Variants in SF3B3 observed in about 807,000 individuals in gnomAD.
SF3B3 encodes SAP 130.
Under a neutral mutation model 139.2 loss-of-function variants are expected in SF3B3, and 33 were observed. That is an observed-to-expected ratio of 0.24 (90% confidence interval 0.18 to 0.32). SF3B3 has a LOEUF of 0.32. SF3B3 is among the 10% of genes least tolerant of loss of function. The pLI is 1.00. For synonymous variants in SF3B3, 596 were observed against 563.6 expected (o/e 1.06, Z -0.81); for missense variants, 818 against 1,509.4 (o/e 0.54, Z 7.59).
At chr16:70,540,517 C>T (rs1411646176) in intron 8 of SF3B3, among the ~76,000 whole-genome samples, 1 of 152,036 alleles carries the variant, frequency 6.6e-6, no homozygotes, top group African/African-American at 2.4e-5. Context: ...TCTCAGCCTC[C>T]CAAGTAGCTG....
intron 4 of SF3B3, 109 bp from the exon 5 acceptor site, chr16:70,532,370 A>C: frequency 1.1e-6 from 1 of 895,332 alleles, no homozygotes; most frequent in Non-Finnish European, 1.7e-6. Context: ...AAAAAAAAGA[A>C]GACATTTGTG....
rs1243222860 is a variant in SF3B3 at position 70,548,448 on chromosome 16, C to A, written c.1402+6C>A. ...AGTGCGTCGACACATTGAAGGTAAG[C>A]AGCTTTTTCCCAATAGTCAAAATGA... On this transcript the variant is annotated splice_donor_region_variant and intron_variant, in intron 11 of 25. Coordinates refer to ENST00000302516, the MANE Select transcript of SF3B3 (RefSeq NM_012426.5). 1 of 1,613,188 alleles carries A rather than the reference C, an allele frequency of 6.2e-7. No homozygotes were observed. The highest frequency in any genetic ancestry group is 2.2e-5 in the East Asian group (1 of 44,878).
rs762567158 is a variant in SF3B3 at position 70,568,263 on chromosome 16, A to G, written c.2953-20A>G. ...CCCCAAGATTACACCCACCATCACTATTGTCTTTGTTTTTCCCAGCATATT... is the reference window on the plus strand; with the variant it reads ...CCCCAAGATTACACCCACCATCACTGTTGTCTTTGTTTTTCCCAGCATATT... On this transcript the variant is annotated intron_variant, in intron 21 of 25. Coordinates refer to ENST00000302516, the MANE Select transcript of SF3B3 (RefSeq NM_012426.5). 3 of 1,574,214 alleles carry G rather than the reference A, an allele frequency of 1.9e-6. No homozygotes were observed. Among genetic ancestry groups the G allele is most frequent in the Admixed American group, 3.3e-5 (2 of 59,926 alleles).
In SF3B3 at chr16:70,536,509, C is replaced by T. The variant is rs189492917; in HGVS notation, c.825+1089C>T. Among the ~76,000 whole-genome samples the T allele has an allele frequency of 2.3e-3, 345 of 151,986 alleles. 1 individual carries two copies. Among genetic ancestry groups the T allele is most frequent in the African/African-American group, 7.7e-3 (320 of 41,456 alleles). ...CCTCTCGGGTAGCTGGGACTACAGG[C>T]GCCCACCACCACGCCCGGCTAATTT... On this transcript the variant is annotated intron_variant, in intron 6 of 25. Coordinates refer to ENST00000302516, the MANE Select transcript of SF3B3 (RefSeq NM_012426.5).
chr16:70,539,009 A>G, intron 7 of SF3B3, 95 bp from the exon 8 acceptor site: 1 of 908,360 alleles, frequency 1.1e-6, no homozygotes, highest in Non-Finnish European at 1.8e-6. Context: ...CAGATATGAA[A>G]TACAGTATTT....
intron 11 of SF3B3, among the ~76,000 whole-genome samples, chr16:70,552,796 A>G (rs1381308104): frequency 6.6e-6 from 1 of 152,264 alleles, no homozygotes; most frequent in Non-Finnish European, 1.5e-5. Flanking sequence ...CTATATATGA[A>G]GCAACTTCAT....
intron 6 of SF3B3, chr16:70,538,058 T>G: frequency 1.6e-6 from 1 of 641,814 alleles, no homozygotes; most frequent in Non-Finnish European, 2.9e-6. Context: ...CTGACATTTT[T>G]CTCTGGACAC....
At chr16:70,524,228 C>T (rs2050024367) in intron 1 of SF3B3, among the ~76,000 whole-genome samples, 1 of 152,028 alleles carries the variant, frequency 6.6e-6, no homozygotes, top group Non-Finnish European at 1.5e-5. Flanking sequence ...TGGATGTCTC[C>T]CTCTGGGTAG....
intron 1 of SF3B3, among the ~76,000 whole-genome samples, chr16:70,525,743 G>A (rs1304372206): frequency 1.3e-5 from 2 of 151,842 alleles, no homozygotes; most frequent in Non-Finnish European, 2.9e-5. Context: ...GGAGGCGGGC[G>A]GATCACGAAG....
intron 8 of SF3B3, among the ~76,000 whole-genome samples, chr16:70,540,326 T>C (rs982637032): frequency 6.6e-6 from 1 of 151,878 alleles, no homozygotes; most frequent in Non-Finnish European, 1.5e-5. Flanking sequence ...CTTCCCGAAG[T>C]GTTGGGACTA....
At chr16:70,542,922 T>G (rs1251057355) in intron 9 of SF3B3, among the ~76,000 whole-genome samples, 14 of 151,820 alleles carry the variant, frequency 9.2e-5, no homozygotes, top group Non-Finnish European at 1.5e-5. Flanking sequence ...AGGGTTTCAC[T>G]GTTAACTAGC....
intron 18 of SF3B3, 82 bp from the exon 19 acceptor site, chr16:70,564,983 A>T (rs2050461951): frequency 7.9e-7 from 1 of 1,266,954 alleles, no homozygotes; most frequent in Non-Finnish European, 1.2e-6. Flanking sequence ...AACCCCCTGG[A>T]GTGTTCTTGC....
Position 70,574,411 on chromosome 16 carries a change from G to A in SF3B3, c.*2598G>A, listed in dbSNP as rs1188914313. On this transcript the variant is annotated 3_prime_UTR_variant, in exon 26 of 26. Coordinates refer to ENST00000302516, the MANE Select transcript of SF3B3 (RefSeq NM_012426.5). ...TTGCCCAGGCTGGCCTCGAACTCCT[G>A]ACCTCAAAAAATCTTCCTGCCTTGG... The A allele has an allele frequency of 6.6e-6, 1 of 152,188 alleles. No individual in the cohort carries two copies. The highest frequency in any genetic ancestry group is 1.9e-4 in the East Asian group (1 of 5,190). The allele number at this position is 152,188 out of a possible 1,614,324, so 9.4% of individuals were successfully genotyped here. A position where few individuals can be genotyped will look rare whatever the true frequency, so the allele number is the denominator to read the frequency against.
At chr16:70,563,805 CAA>C in intron 17 of SF3B3, 69 bp from the exon 18 acceptor site, 6 of 1,476,294 alleles carry the variant, frequency 4.1e-6, no homozygotes, top group Non-Finnish European at 5.6e-6. Context: ...GCTGACTGCT[CAA>C]AGTCTATTTC....
Position 70,570,107 on chromosome 16 carries a change from G to A in SF3B3, c.3366G>A (p.Leu1122=), listed in dbSNP as rs1366638903. 1.2e-6 allele frequency: 2 copies of A among 1,613,994 alleles called. No individual in the cohort carries two copies. Among genetic ancestry groups the A allele is most frequent in the Admixed American group, 3.3e-5 (2 of 59,986 alleles). The stretch of plus-strand genomic sequence containing the variant: ...CAGAATCACTTGTCTATACCACCTT[G>A]TCTGGAGGAATTGGCATCCTTGTGC... ...GGSESLVYTT[L]SGGIGILVPF... Residue 1122 remains leucine (L), a synonymous_variant, in exon 24 of 26, where the codon TTG becomes TTA. Transcript: ENST00000302516.
rs2050545717 is a variant in SF3B3, at chr16:70,573,148, A to G, written c.*1335A>G. ...ATCTCTTGAATCATGACTTGGTTTT[A>G]GATCAGTCAAGAGAGACCCAGGTTT... On this transcript the variant is annotated 3_prime_UTR_variant, in exon 26 of 26. Coordinates refer to ENST00000302516, the MANE Select transcript of SF3B3 (RefSeq NM_012426.5). 1 of 152,226 alleles carries G rather than the reference A, an allele frequency of 6.6e-6. No homozygotes were observed. The highest frequency in any genetic ancestry group is 1.9e-4 in the East Asian group (1 of 5,192). 9.4% of individuals were successfully genotyped at this position (152,226 alleles called of 1,614,324 possible).
chr16:70,544,578 C>T (rs1256436297), intron 10 of SF3B3, 45 bp downstream of exon 10: 5 of 1,109,750 alleles, frequency 4.5e-6, no homozygotes, highest in Non-Finnish European at 6.9e-6. Flanking sequence ...TGGAGGGAAG[C>T]ACTGACAAAG....
At chr16:70,532,763 C>A in intron 5 of SF3B3, 143 bp downstream of exon 5, 1 of 782,724 alleles carries the variant, frequency 1.3e-6, no homozygotes, top group Non-Finnish European at 2.1e-6. Context: ...GTTAGAAGTT[C>A]ATGTGGTGGA....
intron 20 of SF3B3, among the ~76,000 whole-genome samples, chr16:70,565,925 CG>C (rs560615601): frequency 6.2e-4 from 94 of 150,598 alleles, no homozygotes; most frequent in Non-Finnish European, 1.3e-3. Flanking sequence ...GAGACCAGCC[CG>C]GCCAACATGG....
Sources: allele counts gnomAD v4.1 joint callset (sites outside exome capture counted in the v4.1 genomes callset), GRCh38; gene constraint gnomAD v4.1.1; transcripts MANE v1.5; gene names NCBI Gene and HGNC (gene_info 2026-07-23, HGNC 2026-07-21).